SYDE2: variants seen among roughly 807,000 people sequenced by gnomAD.
SYDE2 encodes the protein rho GTPase-activating protein SYDE2.
A neutral mutation model predicts 91.5 loss-of-function variants in SYDE2; 76 were observed. That is an observed-to-expected ratio of 0.83 (90% CI 0.69 to 1.01). The LOEUF is 1.01. Ranked by LOEUF, SYDE2 falls within the 50% of genes least tolerant of loss-of-function variation. The pLI is 0.00. For synonymous variants in SYDE2, 513 were observed against 506.4 expected, an observed-to-expected ratio of 1.01 and a Z score of -0.18; for missense variants, 1,364 against 1,367.7, an observed-to-expected ratio of 1.00 and a Z score of 0.04.
downstream of SYDE2, chr1:85,152,610 TAC>T (rs1384876132): frequency 2.6e-5 from 4 of 152,364 alleles, no homozygotes; most frequent in South Asian, 4.1e-4. Context: ...AGTATCTTAT[TAC>T]AGTTATTCAT....
chr1:85,194,197 C>T (rs1341553521), intron 1 of SYDE2, among the ~76,000 whole-genome samples: 1 of 151,272 alleles, frequency 6.6e-6, no homozygotes, highest in African/African-American at 2.4e-5. Flanking sequence ...TAAATGGATC[C>T]ACATGAATGT....
At chr1:85,163,255 C>G (rs1287070198) in intron 6 of SYDE2, among the ~76,000 whole-genome samples, 1 of 150,872 alleles carries the variant, frequency 6.6e-6, no homozygotes, top group Admixed American at 6.6e-5. Context: ...TACAGGTGCC[C>G]GCCACCATGC....
intron 1 of SYDE2, among the ~76,000 whole-genome samples, chr1:85,198,409 A>T (rs1658678493): frequency 6.6e-6 from 1 of 152,192 alleles, no homozygotes; most frequent in Non-Finnish European, 1.5e-5. Context: ...AATCTATACT[A>T]GATATGTAAA....
rs535456087 is a variant in SYDE2, at chr1:85,165,171, T to C, written c.2854-414A>G. 8.7e-4 allele frequency among the ~76,000 whole-genome samples: 132 copies of C among 152,154 alleles called. 1 individual carries two copies. The highest frequency in any genetic ancestry group is 2.7e-3 in the Admixed American group (42 of 15,286). On this transcript the variant is annotated intron_variant, in intron 5 of 6. Coordinates refer to ENST00000341460, the MANE Select transcript of SYDE2 (RefSeq NM_032184.2). ...ATCGCTGGAACCCAGGAGATGGTGG[T>C]TGCAGTCAGCTGAGACTATACCCCT...
rs1160404268 is a variant in SYDE2 at position 85,200,564 on chromosome 1, G to C, written c.433C>G (p.Pro145Ala). ...RAAAPTGLQP[P>A]GCKDHGCSSG... ...GAGCAGCCGTGGTCCTTGCAGCCTG[G>C]AGGCTGGAGGCCGGTGGGTGCAGCC... The change falls in exon 1 of 7, where the codon CCA becomes GCA. Residue 145 changes from proline (P) to alanine (A), a missense_variant. Coordinates refer to ENST00000341460, the MANE Select transcript of SYDE2 (RefSeq NM_032184.2). 5.0e-6 allele frequency: 8 copies of C among 1,603,134 alleles called. No individual in the cohort carries two copies. The highest frequency in any genetic ancestry group is 1.1e-5 in the South Asian group (1 of 90,602).
At chr1:85,198,551 T>G (rs1658688408) in intron 1 of SYDE2, among the ~76,000 whole-genome samples, 1 of 152,212 alleles carries the variant, frequency 6.6e-6, no homozygotes, top group Non-Finnish European at 1.5e-5. Context: ...TCTAAAATAT[T>G]ATCACATAAT....
At chr1:85,197,210 G>A (rs980821430) in intron 1 of SYDE2, among the ~76,000 whole-genome samples, 3 of 151,966 alleles carry the variant, frequency 2.0e-5, no homozygotes, top group Non-Finnish European at 4.4e-5. Flanking sequence ...GGAACAATTC[G>A]GCCAATCTGC....
At chr1:85,193,695 C>T (rs1202524483) in intron 1 of SYDE2, among the ~76,000 whole-genome samples, 1 of 152,136 alleles carries the variant, frequency 6.6e-6, no homozygotes, top group Non-Finnish European at 1.5e-5. Context: ...ACCATTATGG[C>T]TCACGGCAAC....
Position 85,200,757 on chromosome 1 carries a change from C to G in SYDE2, c.240G>C (p.Arg80=), listed in dbSNP as rs1016973839. Residue 80 remains arginine (R), a synonymous_variant, in exon 1 of 7, where the codon CGG becomes CGC. Coordinates refer to ENST00000341460, the MANE Select transcript of SYDE2 (RefSeq NM_032184.2). ...TCTCGAGGCTTCTGCTGCAGGACGG[C>G]CGCATCCGAGGAGTCCGCAGCTGGC... is the stretch of plus-strand genomic sequence containing the variant. ...RGGQLRTPRM[R]PSCSRSLESL... The G allele has an allele frequency of 7.8e-6, 12 of 1,529,080 alleles. No individual in the cohort carries two copies. In the African/African-American group the frequency reaches 1.4e-4, roughly 18 times the overall value. The allele number at this position is 1,529,080 out of a possible 1,614,324, so 94.7% of individuals were successfully genotyped here. A position where few individuals can be genotyped will look rare whatever the true frequency, so the allele number is the denominator to read the frequency against.
At position 85,182,177 on chromosome 1, in the gene SYDE2, A is replaced by G. The variant is rs1465011511; in HGVS notation, c.2465T>C (p.Val822Ala). The stretch of plus-strand genomic sequence containing the variant: ...CATCAGTCCTATATTTTCTTTCTCT[A>G]CAACTTTTTGAATATCAACTCCAAA... ...IIFGVDIQKV[V>A]EKENIGLMVP... The change falls in exon 3 of 7, where the codon GTA becomes GCA. Residue 822 changes from valine (V) to alanine (A), a missense_variant. Transcript: ENST00000341460. 1.2e-6 allele frequency: 2 copies of G among 1,606,080 alleles called. No individual in the cohort carries two copies. The highest frequency in any genetic ancestry group is 1.7e-6 in the Non-Finnish European group (2 of 1,175,806).
rs189474077 is a variant in SYDE2 at position 85,162,342 on chromosome 1, G to C, written c.3085+2184C>G. Among the ~76,000 whole-genome samples, 5 of 152,236 alleles carry C rather than the reference G, an allele frequency of 3.3e-5. No homozygotes were observed. In the East Asian group the frequency reaches 9.7e-4, roughly 29 times the overall value. On this transcript the variant is annotated intron_variant, in intron 6 of 6. Coordinates refer to ENST00000341460, the MANE Select transcript of SYDE2 (RefSeq NM_032184.2). The stretch of plus-strand genomic sequence containing the variant: ...GCATTCACTGAGTTAATATGCTGTG[G>C]CCTACTAGTCTTTGCCACATTCTCT...
chr1:85,161,714 A>G (rs1204897579), intron 6 of SYDE2, among the ~76,000 whole-genome samples: 49 of 145,318 alleles, frequency 3.4e-4, no homozygotes, highest in African/African-American at 1.2e-3. Context: ...CGACACAGTG[A>G]GACTCCATCT....
intron 4 of SYDE2, among the ~76,000 whole-genome samples, chr1:85,177,653 T>C (rs1657750342): frequency 1.3e-5 from 2 of 152,182 alleles, no homozygotes; most frequent in Admixed American, 6.5e-5. Context: ...GGCTTTCTAA[T>C]TGGTTTTCCT....
intron 6 of SYDE2, chr1:85,161,086 G>A: frequency 1.0e-6 from 1 of 985,024 alleles, no homozygotes; most frequent in Non-Finnish European, 1.2e-6. Flanking sequence ...AAAAGTTCTG[G>A]TTTTCCCATC....
intron 1 of SYDE2, among the ~76,000 whole-genome samples, chr1:85,199,280 A>ATATG (rs1175931699): frequency 6.6e-6 from 1 of 152,196 alleles, no homozygotes. Flanking sequence ...AAAAATTTTT[A>ATATG]TATGTAAGAG....
At chr1:85,159,341 C>T (rs1656980637) in intron 6 of SYDE2, 92 bp from the exon 7 acceptor site, 5 of 689,744 alleles carry the variant, frequency 7.2e-6, no homozygotes, top group Non-Finnish European at 1.3e-5. Flanking sequence ...TAATCATCAA[C>T]TACAAACATG....
intron 1 of SYDE2, among the ~76,000 whole-genome samples, chr1:85,196,831 A>C (rs1658604710): frequency 6.6e-6 from 1 of 152,232 alleles, no homozygotes; most frequent in South Asian, 2.1e-4. Context: ...GATGGGAATC[A>C]AGTCATAGTG....
At chr1:85,188,836 T>C (rs1033725351) in intron 2 of SYDE2, among the ~76,000 whole-genome samples, 1 of 152,004 alleles carries the variant, frequency 6.6e-6, no homozygotes, top group South Asian at 2.1e-4. Flanking sequence ...TGGCTGGAAA[T>C]AGGCTTCTCC....
At chr1:85,156,214 C>T (rs1292020310), downstream of SYDE2, among the ~76,000 whole-genome samples, 1 of 151,956 alleles carries the variant, frequency 6.6e-6, no homozygotes, top group Non-Finnish European at 1.5e-5. Flanking sequence ...AATTTTTATT[C>T]AGGTACATGC....
Sources: allele counts gnomAD v4.1 joint callset (sites outside exome capture counted in the v4.1 genomes callset), GRCh38; gene constraint gnomAD v4.1.1; transcripts MANE v1.5; gene names NCBI Gene and HGNC (gene_info 2026-07-23, HGNC 2026-07-21).